PJVK: variants seen among roughly 807,000 people sequenced by gnomAD.
PJVK encodes pejvakin, also known as autosomal recessive deafness type 59 protein.
A neutral mutation model predicts 37.6 loss-of-function variants in PJVK; 33 were observed. The observed-to-expected ratio is 0.88, with a 90% CI of 0.67 to 1.17. The LOEUF is 1.17. PJVK is among the 50% of genes most tolerant of loss of function. The pLI, the probability that PJVK is intolerant of heterozygous loss-of-function variation, is 0.00. For missense variants in PJVK, 410 were observed against 413.8 expected, an observed-to-expected ratio of 0.99 and a Z score of 0.08; for synonymous variants, 141 against 143.5, an observed-to-expected ratio of 0.98 and a Z score of 0.13.
chr2:178,457,021 T>C (rs1190451723), intron 4 of PJVK, among the ~76,000 whole-genome samples: 1 of 152,040 alleles, frequency 6.6e-6, no homozygotes, highest in Non-Finnish European at 1.5e-5. Flanking sequence ...GAGGCTGGAG[T>C]GCAGTGGCGC....
At chr2:178,453,649 T>C (rs1023633285) in intron 2 of PJVK, 29 bp downstream of exon 2, 3 of 1,569,328 alleles carry the variant, frequency 1.9e-6, no homozygotes, top group Non-Finnish European at 2.6e-6. Context: ...GAGTGCCAAC[T>C]CATTCATCTG....
At chr2:178,454,690 G>T in intron 3 of PJVK, 163 bp downstream of exon 3, 2 of 1,473,212 alleles carry the variant, frequency 1.4e-6, no homozygotes. Flanking sequence ...TTTGAATAAG[G>T]ATAGATATCA....
chr2:178,451,749 C>A lies in PJVK; in HGVS notation c.-43C>A. ...CGGGCTCCTTTGTCTTCTGGGCTTT[C>A]GTCGCGAGATGGAACGCTGGGTCAG... On this transcript the variant is annotated 5_prime_UTR_variant, in exon 1 of 7. Transcript: ENST00000644580. The A allele has an allele frequency of 4.1e-6, 4 of 985,150 alleles. No homozygotes were observed. Among genetic ancestry groups the A allele is most frequent in the Non-Finnish European group, 4.8e-6 (4 of 829,686 alleles). The allele number at this position is 985,150 out of a possible 1,614,324, so 61.0% of individuals were successfully genotyped here.
intron 1 of PJVK, chr2:178,452,719 CAGAGTAAGAAACCACT>C: frequency 1.3e-6 from 1 of 775,408 alleles, no homozygotes; most frequent in African/African-American, 1.9e-5. Context: ...TGCCCAACTT[CAGAGTAAGAAACCACT>C]AGGTAATAGT....
rs1684519811 is a variant in PJVK, at chr2:178,461,717, G to A, written c.*443G>A. On this transcript the variant is annotated 3_prime_UTR_variant, in exon 7 of 7. Transcript: ENST00000644580. ...CTCTGCCTCAGCCTCCCGAGTAGCT[G>A]GGATTACTGGCGCCTGCCACCACGC... is the stretch of plus-strand genomic sequence containing the variant. 1.3e-5 allele frequency among the ~76,000 whole-genome samples: 2 copies of A among 151,390 alleles called. No homozygotes were observed. Among genetic ancestry groups the A allele is most frequent in the Non-Finnish European group, 1.5e-5 (1 of 67,934 alleles).
At chr2:178,453,812 G>T (rs552649668) in intron 2 of PJVK, 192 bp downstream of exon 2, 2 of 527,212 alleles carry the variant, frequency 3.8e-6, no homozygotes, top group Non-Finnish European at 6.9e-6. Flanking sequence ...ATCTCTTATT[G>T]GTCAAATAAT....
In PJVK at chr2:178,455,399, A is replaced by G. The variant is rs1575115862; in HGVS notation, c.408-611A>G. 4.3e-6 allele frequency: 6 copies of G among 1,402,312 alleles called. No individual in the cohort carries two copies. In the African/African-American group the frequency reaches 5.7e-5, roughly 13 times the overall value. The allele number at this position is 1,402,312 out of a possible 1,614,324, so 86.9% of individuals were successfully genotyped here. ...GAAGTTCATGGATCAGCATCCGGAG[A>G]TGGATTTTTCCAAGGCTAAATTCAA... On this transcript the variant is annotated intron_variant, in intron 3 of 6. Coordinates refer to ENST00000644580, the MANE Select transcript of PJVK (RefSeq NM_001042702.5).
rs1684318047 is a variant in PJVK, at chr2:178,459,067, C to G, written c.667+440C>G. Reference sequence around the variant, plus strand: ...CTTTTCTTACTTCAGTTTTACTTATCATAGACCCAGCTTCCCCTTGCACTC... The same window carrying G: ...CTTTTCTTACTTCAGTTTTACTTATGATAGACCCAGCTTCCCCTTGCACTC... On this transcript the variant is annotated intron_variant, in intron 5 of 6. Coordinates refer to ENST00000644580, the MANE Select transcript of PJVK (RefSeq NM_001042702.5). 1.6e-5 allele frequency: 7 copies of G among 445,702 alleles called. 1 individual carries two copies. The highest frequency in any genetic ancestry group is 9.9e-5 in the South Asian group (6 of 60,372). The allele number at this position is 445,702 out of a possible 1,614,324, so 27.6% of individuals were successfully genotyped here.
rs982700544 is a variant in PJVK, at chr2:178,461,587, T to TC, written c.*313_*314insC. On this transcript the variant is annotated 3_prime_UTR_variant, in exon 7 of 7. Coordinates refer to ENST00000644580, the MANE Select transcript of PJVK (RefSeq NM_001042702.5). ...GTAGTCTATCATTTTAGTTCACCTT[T>TC]TTTTTTTTTTTTTTTGAGACAGAGC... Among the ~76,000 whole-genome samples the TC allele has an allele frequency of 6.8e-6, 1 of 147,300 alleles. No individual in the cohort carries two copies. Among genetic ancestry groups the TC allele is most frequent in the Non-Finnish European group, 1.5e-5 (1 of 66,812 alleles).
At chr2:178,459,420 T>TTA (rs1684346776) in intron 5 of PJVK, among the ~76,000 whole-genome samples, 3 of 152,130 alleles carry the variant, frequency 2.0e-5, no homozygotes, top group South Asian at 2.1e-4. Flanking sequence ...ATATAGTAGA[T>TTA]TATATATATA....
intron 5 of PJVK, chr2:178,459,156 C>G (rs916801209): frequency 2.1e-5 from 10 of 471,876 alleles, no homozygotes; most frequent in Admixed American, 2.1e-4. Flanking sequence ...TGTATAATAC[C>G]TAAGTGCAGC....
intron 1 of PJVK, chr2:178,451,989 G>C (rs1039867704): frequency 2.2e-5 from 11 of 494,272 alleles, no homozygotes; most frequent in African/African-American, 6.3e-5. Context: ...CGTACGAAAG[G>C]ATATTATTAA....
chr2:178,458,129 T>C (rs1480875797), intron 4 of PJVK, among the ~76,000 whole-genome samples: 1 of 152,074 alleles, frequency 6.6e-6, no homozygotes, highest in Admixed American at 6.5e-5. Context: ...TTTAGAAAGC[T>C]ACTAAAAGCT....
Position 178,461,440 on chromosome 2 carries a change from C to G in PJVK, c.*166C>G. 5 of 666,380 alleles carry G rather than the reference C, an allele frequency of 7.5e-6. No individual in the cohort carries two copies. Among genetic ancestry groups the G allele is most frequent in the Non-Finnish European group, 1.3e-5 (5 of 396,846 alleles). The allele number at this position is 666,380 out of a possible 1,614,324, so 41.3% of individuals were successfully genotyped here. A position where few individuals can be genotyped will look rare whatever the true frequency, so the allele number is the denominator to read the frequency against. On this transcript the variant is annotated 3_prime_UTR_variant, in exon 7 of 7. Coordinates refer to ENST00000644580, the MANE Select transcript of PJVK (RefSeq NM_001042702.5). ...CCTATCTATAAAGTAGCAATTATAA[C>G]AGTAGTGTCTATTTCTTAAGTTGTC...
Position 178,451,755 on chromosome 2 carries a change from G to T in PJVK, c.-37G>T. ...CCTTTGTCTTCTGGGCTTTCGTCGC[G>T]AGATGGAACGCTGGGTCAGTGCATC... On this transcript the variant is annotated 5_prime_UTR_variant, in exon 1 of 7. Coordinates refer to ENST00000644580, the MANE Select transcript of PJVK (RefSeq NM_001042702.5). The T allele has an allele frequency of 1.0e-6, 1 of 985,400 alleles. No homozygotes were observed. The highest frequency in any genetic ancestry group is 1.2e-6 in the Non-Finnish European group (1 of 829,912). 61.0% of individuals were successfully genotyped at this position (985,400 alleles called of 1,614,324 possible).
chr2:178,454,314 G>T lies in PJVK; in HGVS notation c.212-18G>T. ...AAGATAAAGATGTTTAAAAAATACTGAGTTTCTTCTTATAAAGGTATTTCA... is the reference window on the plus strand; with the variant it reads ...AAGATAAAGATGTTTAAAAAATACTTAGTTTCTTCTTATAAAGGTATTTCA... On this transcript the variant is annotated intron_variant, in intron 2 of 6. Coordinates refer to ENST00000644580, the MANE Select transcript of PJVK (RefSeq NM_001042702.5). The T allele has an allele frequency of 1.3e-6, 2 of 1,594,964 alleles. No homozygotes were observed. The highest frequency in any genetic ancestry group is 2.2e-5 in the South Asian group (2 of 89,690).
intron 3 of PJVK, chr2:178,454,998 G>A: frequency 2.0e-6 from 2 of 1,023,718 alleles, no homozygotes; most frequent in Middle Eastern, 2.1e-4. Flanking sequence ...CCCTTTCTGT[G>A]TGGACTTCCA....
intron 1 of PJVK, chr2:178,452,253 A>G (rs1439868014): frequency 2.1e-6 from 2 of 960,540 alleles, no homozygotes; most frequent in East Asian, 2.5e-4. Flanking sequence ...AGATCGCGCC[A>G]CTGCACTCCA....
At position 178,459,305 on chromosome 2, in the gene PJVK, ATTTCT is replaced by A. The variant is rs1684335702; in HGVS notation, c.667+679_667+683del. On this transcript the variant is annotated intron_variant, in intron 5 of 6. Transcript: ENST00000644580. ...AATGTTTTTAGACCTGTTCTTGTTC[ATTTCT>A]GCAATTTTGTAGGAGGAGGGAATAG... The A allele has an allele frequency of 1.2e-5, 5 of 426,554 alleles. No homozygotes were observed. In the East Asian group the frequency reaches 3.7e-4, roughly 31 times the overall value. 26.4% of individuals were successfully genotyped at this position (426,554 alleles called of 1,614,324 possible).
Sources: allele counts gnomAD v4.1 joint callset (sites outside exome capture counted in the v4.1 genomes callset), GRCh38; gene constraint gnomAD v4.1.1; transcripts MANE v1.5; gene names NCBI Gene and HGNC (gene_info 2026-07-23, HGNC 2026-07-21).